C22orf23: variants seen among roughly 807,000 people sequenced by gnomAD.
C22orf23 encodes chromosome 22 open reading frame 23, also known as UPF0193 protein EVG1.
In C22orf23, 30 loss-of-function variants were observed where a neutral mutation model predicts 29.7. That is an observed-to-expected ratio of 1.01 (90% CI 0.76 to 1.37). C22orf23 has a LOEUF of 1.37. Among genes scored for constraint, C22orf23 ranks in the 40% most tolerant of loss-of-function variants. The pLI is 0.00. For synonymous variants in C22orf23, 90 were observed against 96.1 expected, an observed-to-expected ratio of 0.94 and a Z score of 0.37; for missense variants, 237 against 273.1, an observed-to-expected ratio of 0.87 and a Z score of 0.93.
rs1035300888 is a variant in C22orf23, at chr22:37,951,677, G to A, written c.104-155C>T. ...GCTTCGTTTTTTCTATAGCACTTAC[G>A]ACCACCTAAAATTCTATATATTTTA... On this transcript the variant is annotated intron_variant, in intron 2 of 6. Coordinates refer to ENST00000403305, the MANE Select transcript of C22orf23 (RefSeq NM_032561.5). 1.9e-5 allele frequency: 9 copies of A among 467,244 alleles called. No individual in the cohort carries two copies. The Middle Eastern group carries it at 1.7e-3, about 87-fold the overall frequency. 28.9% of individuals were successfully genotyped at this position (467,244 alleles called of 1,614,324 possible). A position where few individuals can be genotyped will look rare whatever the true frequency, so the allele number is the denominator to read the frequency against.
intron 1 of C22orf23, 27 bp from the exon 2 acceptor site, chr22:37,953,185 A>AC: frequency 6.8e-7 from 1 of 1,473,978 alleles, no homozygotes; most frequent in Non-Finnish European, 9.5e-7. Context: ...GCAATGACAC[A>AC]CCCCCTGTCT....
In C22orf23 at chr22:37,945,162, T is replaced by C. The variant is rs1262677124; in HGVS notation, c.361A>G (p.Lys121Glu). Residue 121 changes from lysine (K) to glutamate (E), a missense_variant, in exon 5 of 7, where the codon AAG (lysine) becomes GAG (glutamate). Lys to Glu is a moderately conservative substitution (Grantham distance 56). Coordinates refer to ENST00000403305, the MANE Select transcript of C22orf23 (RefSeq NM_032561.5). ...FKPQATRDLE[K>E]EKQRLQNIFA... ...ATATTTTGGAGTCTTTGTTTCTCCT[T>C]CTCCAAATCCCCTGTAGGGCCAAAA... 2.5e-6 allele frequency: 4 copies of C among 1,612,430 alleles called. No individual in the cohort carries two copies. The highest frequency in any genetic ancestry group is 3.4e-6 in the Non-Finnish European group (4 of 1,179,524).
At chr22:37,951,252 T>G (rs1183844431) in intron 3 of C22orf23, 1 of 518,042 alleles carries the variant, frequency 1.9e-6, no homozygotes, top group Non-Finnish European at 3.4e-6. Flanking sequence ...TCTTGTGGCT[T>G]GTGGCGTTGC....
At position 37,953,593 on chromosome 22, in the gene C22orf23, CG is replaced by C; in HGVS notation, c.-156del. On this transcript the variant is annotated 5_prime_UTR_variant, in exon 1 of 7. Transcript: ENST00000403305. ...GCTGGAGCTGGCAGCTAGCGCCTCT[CG>C]CTACTATAGAAACGCGCACACACCA... 1.6e-6 allele frequency: 1 copy of C among 638,150 alleles called. No homozygotes were observed. The highest frequency in any genetic ancestry group is 2.1e-5 in the South Asian group (1 of 48,700). 39.5% of individuals were successfully genotyped at this position (638,150 alleles called of 1,614,324 possible). A position where few individuals can be genotyped will look rare whatever the true frequency, so the allele number is the denominator to read the frequency against.
intron 4 of C22orf23, among the ~76,000 whole-genome samples, chr22:37,946,747 A>C (rs1930723864): frequency 6.6e-6 from 1 of 150,730 alleles, no homozygotes; most frequent in Non-Finnish European, 1.5e-5. Context: ...GGTGGTGGAC[A>C]CTTGTAATCC....
chr22:37,953,248 C>G, intron 1 of C22orf23, 90 bp from the exon 2 acceptor site: 1 of 899,410 alleles, frequency 1.1e-6, no homozygotes, highest in Non-Finnish European at 1.7e-6. Flanking sequence ...AGTCTGGAAG[C>G]GGGGATCGAG....
Position 37,944,107 on chromosome 22 carries a change from C to T in C22orf23, c.*68G>A. The stretch of plus-strand genomic sequence containing the variant: ...GTAGGATGGGCTGGCCTGAGGATGG[C>T]CCTGCCTGGCAGAGGAGTGGACTCC... On this transcript the variant is annotated 3_prime_UTR_variant, in exon 7 of 7. Coordinates refer to ENST00000403305, the MANE Select transcript of C22orf23 (RefSeq NM_032561.5). 1 of 1,454,178 alleles carries T rather than the reference C, an allele frequency of 6.9e-7. No individual in the cohort carries two copies. Among genetic ancestry groups the T allele is most frequent in the South Asian group, 1.1e-5 (1 of 87,962 alleles). 90.1% of individuals were successfully genotyped at this position (1,454,178 alleles called of 1,614,324 possible).
In C22orf23 at chr22:37,953,528, C is replaced by T; in HGVS notation, c.-90G>A. On this transcript the variant is annotated 5_prime_UTR_variant, in exon 1 of 7. Coordinates refer to ENST00000403305, the MANE Select transcript of C22orf23 (RefSeq NM_032561.5). Reference sequence around the variant, plus strand: ...GGTGACCACTGCTTTACAGCCGCATCCGCACCGGTGCCACGCAGAAATACT... The same window carrying T: ...GGTGACCACTGCTTTACAGCCGCATTCGCACCGGTGCCACGCAGAAATACT... 7.0e-6 allele frequency: 4 copies of T among 568,902 alleles called. No homozygotes were observed. The South Asian group carries it at 8.9e-5, about 13-fold the overall frequency. 35.2% of individuals were successfully genotyped at this position (568,902 alleles called of 1,614,324 possible).
intron 3 of C22orf23, 39 bp from the exon 4 acceptor site, chr22:37,947,502 CTTTTTTTTTT>C (rs11359710): frequency 2.2e-5 from 7 of 321,242 alleles, no homozygotes; most frequent in South Asian, 6.9e-5. Flanking sequence ...ACCCACATGG[CTTTTTTTTTT>C]TTTTTTTTTT....
At chr22:37,952,981 A>G (rs896542192) in intron 2 of C22orf23, 66 bp downstream of exon 2, 17 of 1,194,660 alleles carry the variant, frequency 1.4e-5, no homozygotes, top group Admixed American at 7.8e-5. Flanking sequence ...TCAGTGGAAA[A>G]ATTGTCTTCC....
At chr22:37,946,704 T>A (rs6000950) in intron 4 of C22orf23, among the ~76,000 whole-genome samples, 5,307 of 147,996 alleles carry the variant, frequency 0.036, 321 homozygotes, top group African/African-American at 0.13. Context: ...ACATGGTGAA[T>A]CCCCATCTCT....
At chr22:37,945,810 TAA>T (rs1169265242) in intron 4 of C22orf23, among the ~76,000 whole-genome samples, 2,195 of 80,736 alleles carry the variant, frequency 0.027, 58 homozygotes, top group African/African-American at 0.094. Context: ...ATCCTATCTC[TAA>T]AAAAAAAAAA....
At position 37,947,433 on chromosome 22, in the gene C22orf23, G is replaced by A. The variant is rs142749033; in HGVS notation, c.197C>T (p.Pro66Leu). The stretch of plus-strand genomic sequence containing the variant: ...AGGTAAGACTCTCTGGCTGGATGTT[G>A]GGCTGCACTGTAGGGGCAAAGCATC... Reference protein sequence around the residue: ...RGDALPLQCSPTSSQRVLPSK... With the variant: ...RGDALPLQCSLTSSQRVLPSK... Residue 66 changes from proline (P) to leucine (L), a missense_variant, in exon 4 of 7, where the codon CCA becomes CTA. Pro to Leu is a moderately conservative substitution (Grantham distance 98). Coordinates refer to ENST00000403305, the MANE Select transcript of C22orf23 (RefSeq NM_032561.5). The A allele has an allele frequency of 2.0e-5, 32 of 1,608,124 alleles. No individual in the cohort carries two copies. The African/African-American group carries it at 3.6e-4, about 18-fold the overall frequency.
chr22:37,948,620 C>CA (rs1170285599), intron 3 of C22orf23, among the ~76,000 whole-genome samples: 2 of 152,128 alleles, frequency 1.3e-5, no homozygotes, highest in African/African-American at 2.4e-5. Flanking sequence ...GACTCTGTCT[C>CA]AAAAAACAAA....
In C22orf23 at chr22:37,944,157, C is replaced by G; in HGVS notation, c.*18G>C. ...CAGTGGTCGAGCTTGGGCTACCCTG[C>G]CCGTCTCTGGAGACAGATTAAGTGG... On this transcript the variant is annotated 3_prime_UTR_variant, in exon 7 of 7. Transcript: ENST00000403305. 1 of 1,610,502 alleles carries G rather than the reference C, an allele frequency of 6.2e-7. No homozygotes were observed. Among genetic ancestry groups the G allele is most frequent in the Non-Finnish European group, 8.5e-7 (1 of 1,176,688 alleles).
intron 3 of C22orf23, among the ~76,000 whole-genome samples, chr22:37,948,093 C>A (rs1010525916): frequency 2.7e-5 from 4 of 150,064 alleles, no homozygotes; most frequent in Non-Finnish European, 5.9e-5. Flanking sequence ...GGCGACAGAG[C>A]GAGACTTCGT....
At chr22:37,949,625 AT>A (rs1413113993) in intron 3 of C22orf23, among the ~76,000 whole-genome samples, 1 of 150,754 alleles carries the variant, frequency 6.6e-6, no homozygotes, top group Non-Finnish European at 1.5e-5. Flanking sequence ...CACCTGGCTA[AT>A]TTTTGTATTT....
chr22:37,953,019 G>T (rs563376311), intron 2 of C22orf23, 28 bp downstream of exon 2: 3 of 1,559,598 alleles, frequency 1.9e-6, no homozygotes, highest in East Asian at 2.3e-5. Context: ...TGCCAAAAAG[G>T]CTGGGATCGC....
chr22:37,952,818 C>G, intron 2 of C22orf23: 1 of 445,364 alleles, frequency 2.2e-6, no homozygotes, highest in South Asian at 2.7e-5. Context: ...CCTTTCAGGT[C>G]AGTGACGGCC....
Sources: gnomAD v4.1 joint callset for allele counts (sites outside exome capture counted in the v4.1 genomes callset) on GRCh38, gnomAD v4.1.1 for gene constraint, MANE v1.5 for transcripts, NCBI Gene and HGNC (gene_info 2026-07-23, HGNC 2026-07-21) for gene names.